GSE1: variants seen among roughly 807,000 people sequenced by gnomAD.
GSE1 encodes genetic suppressor element 1.
GSE1 carries 32 observed loss-of-function variants against 112.6 expected under a neutral mutation model. The ratio of observed to expected loss-of-function variants is 0.28; its 90% confidence interval spans 0.21 to 0.38. The LOEUF is 0.38. GSE1 is among the 10% of genes least tolerant of loss of function. The pLI is 1.00. For missense variants in GSE1, 2,348 were observed against 1,699.2 expected, an observed-to-expected ratio of 1.38 and a Z score of -6.71; for synonymous variants, 1,115 against 735.6, an observed-to-expected ratio of 1.52 and a Z score of -8.35.
intron 1 of GSE1, among the ~76,000 whole-genome samples, chr16:85,624,855 G>C (rs1171338926): frequency 1.3e-5 from 2 of 152,244 alleles, no homozygotes; most frequent in African/African-American, 2.4e-5. Flanking sequence ...GAGGGGCTGG[G>C]AATCGGCCGG....
At chr16:85,632,161 C>T (rs995783780) in intron 1 of GSE1, among the ~76,000 whole-genome samples, 4 of 152,214 alleles carry the variant, frequency 2.6e-5, no homozygotes, top group Admixed American at 2.0e-4. Flanking sequence ...CACCCCTGGC[C>T]CCTCCAGAAA....
intron 1 of GSE1, among the ~76,000 whole-genome samples, chr16:85,345,134 G>A (rs762019021): frequency 1.3e-5 from 2 of 151,646 alleles, no homozygotes; most frequent in African/African-American, 4.8e-5. Context: ...GGGCCTGCGG[G>A]CCAAGTCCAG....
intron 1 of GSE1, among the ~76,000 whole-genome samples, chr16:85,209,395 G>A (rs917458981): frequency 6.6e-6 from 1 of 151,978 alleles, no homozygotes; most frequent in African/African-American, 2.4e-5. Context: ...CCGTGCCCCC[G>A]CCCCTGCTCT....
At chr16:85,208,616 A>G (rs2075162396) in intron 1 of GSE1, among the ~76,000 whole-genome samples, 1 of 151,678 alleles carries the variant, frequency 6.6e-6, no homozygotes, top group African/African-American at 2.4e-5. Flanking sequence ...TAGATACCTT[A>G]GGCTTTGCGG....
chr16:85,561,106 TGG>T (rs2151287009), intron 1 of GSE1, among the ~76,000 whole-genome samples: 1 of 151,232 alleles, frequency 6.6e-6, no homozygotes, highest in African/African-American at 2.4e-5. Context: ...TACTGCAACC[TGG>T]GTGACAGTGA....
At chr16:85,284,489 C>T (rs1165094491) in intron 1 of GSE1, among the ~76,000 whole-genome samples, 2 of 152,222 alleles carry the variant, frequency 1.3e-5, no homozygotes, top group Admixed American at 6.5e-5. Context: ...CACAAACTCC[C>T]CAGGCCCCCA....
intron 2 of GSE1, among the ~76,000 whole-genome samples, chr16:85,444,908 G>A (rs1007972695): frequency 3.9e-5 from 6 of 152,136 alleles, no homozygotes; most frequent in Admixed American, 3.3e-4. Flanking sequence ...CCCTTCCCGC[G>A]GCGCTGGCTG....
chr16:85,243,211 AAAC>A (rs1905299207), intron 1 of GSE1, among the ~76,000 whole-genome samples: 1 of 152,254 alleles, frequency 6.6e-6, no homozygotes, highest in African/African-American at 2.4e-5. Flanking sequence ...TTGGCACTTA[AAAC>A]AACACACATT....
intron 2 of GSE1, among the ~76,000 whole-genome samples, chr16:85,645,124 C>A (rs1027930630): frequency 9.9e-5 from 15 of 151,156 alleles, no homozygotes; most frequent in Non-Finnish European, 1.9e-4. Context: ...GTGCCCAGTC[C>A]CAGGTGTTGG....
intron 2 of GSE1, among the ~76,000 whole-genome samples, chr16:85,634,627 C>T (rs2049832762): frequency 2.0e-5 from 3 of 152,304 alleles, no homozygotes; most frequent in South Asian, 2.1e-4. Flanking sequence ...CTGCTCAACT[C>T]CCTGAGGCAG....
intron 2 of GSE1, among the ~76,000 whole-genome samples, chr16:85,526,036 C>A (rs770289173): frequency 6.6e-6 from 1 of 152,230 alleles, no homozygotes; most frequent in African/African-American, 2.4e-5. Flanking sequence ...GACCGTGCAA[C>A]TTTCCCTGTC....
At chr16:85,612,492 T>C (rs559020073), upstream of GSE1, among the ~76,000 whole-genome samples, 1 of 152,244 alleles carries the variant, frequency 6.6e-6, no homozygotes, top group South Asian at 2.1e-4. Context: ...CAACCCCAGC[T>C]ACTTAATGAT....
chr16:85,358,097 C>G (rs1156504450), intron 2 of GSE1, among the ~76,000 whole-genome samples: 15 of 152,156 alleles, frequency 9.9e-5, no homozygotes, highest in Admixed American at 9.8e-4. Flanking sequence ...GGAGATGGCG[C>G]TGCCGTCCTC....
intron 2 of GSE1, among the ~76,000 whole-genome samples, chr16:85,477,980 C>T (rs767201688): frequency 1.3e-4 from 20 of 152,270 alleles, no homozygotes; most frequent in Non-Finnish European, 2.5e-4. Flanking sequence ...AGAACGTTCC[C>T]GTCACTCCAG....
chr16:85,446,534 G>A (rs1004618808), intron 2 of GSE1, among the ~76,000 whole-genome samples: 1 of 152,154 alleles, frequency 6.6e-6, no homozygotes, highest in African/African-American at 2.4e-5. Context: ...CGTTGGCTCT[G>A]GGTTCTGCGA....
chr16:85,656,987 T>C (rs113260504), intron 7 of GSE1, among the ~76,000 whole-genome samples: 9 of 152,350 alleles, frequency 5.9e-5, no homozygotes, highest in African/African-American at 2.2e-4. Flanking sequence ...AGCTTTTGCA[T>C]GTTTCCCGGA....
intron 1 of GSE1, among the ~76,000 whole-genome samples, chr16:85,631,924 C>T (rs1040428051): frequency 6.6e-6 from 1 of 152,240 alleles, no homozygotes; most frequent in South Asian, 2.1e-4. Flanking sequence ...CAGCCCGGTG[C>T]GGGGGACACG....
Position 85,268,493 on chromosome 16 carries a change from G to T in GSE1, c.2284-88970G>T, listed in dbSNP as rs1239896161. ...TATCACTCTTCTATGAGTGGGGAGGGGGGTTGCCAGTCAGGGGTGCTGGCT... is the reference window on the plus strand; with the variant it reads ...TATCACTCTTCTATGAGTGGGGAGGTGGGTTGCCAGTCAGGGGTGCTGGCT... On this transcript the variant is annotated intron_variant, in intron 1 of 2. Transcript: ENST00000637419. Among the ~76,000 whole-genome samples, 90 of 152,156 alleles carry T rather than the reference G, an allele frequency of 5.9e-4. 1 individual carries two copies. Among genetic ancestry groups the T allele is most frequent in the Admixed American group, 5.9e-3 (90 of 15,282 alleles).
chr16:85,600,442 C>A (rs895665053), intron 1 of GSE1, among the ~76,000 whole-genome samples: 1 of 151,886 alleles, frequency 6.6e-6, no homozygotes, highest in Admixed American at 6.6e-5. Context: ...CACTGTCTTT[C>A]GTGGGAGAGG....
Sources: allele counts gnomAD v4.1 joint callset (sites outside exome capture counted in the v4.1 genomes callset), GRCh38; gene constraint gnomAD v4.1.1; transcripts MANE v1.5; gene names NCBI Gene and HGNC (gene_info 2026-07-23, HGNC 2026-07-21).